The following GIGYF2 variants were observed in gnomAD, a reference collection of about 807,000 sequenced individuals.
GIGYF2 encodes GRB10 interacting GYF protein 2.
A neutral mutation model predicts 208.1 loss-of-function variants in GIGYF2; 25 were observed. The ratio of observed to expected loss-of-function variants is 0.12; its 90% CI spans 0.09 to 0.17. The LOEUF is 0.17. Ranked by LOEUF, GIGYF2 falls within the 10% of genes least tolerant of loss-of-function variation. The pLI is 1.00. For synonymous variants in GIGYF2, 534 were observed against 543.8 expected (o/e 0.98, Z 0.25); for missense variants, 1,302 against 1,579.4 (o/e 0.82, Z 2.98).
intron 8 of GIGYF2, among the ~76,000 whole-genome samples, chr2:232,776,150 CA>C (rs1699503294): frequency 6.6e-6 from 1 of 151,798 alleles, no homozygotes; most frequent in South Asian, 2.1e-4. Flanking sequence ...TTCCTCAAGC[CA>C]CTGAATTTTT....
intron 3 of GIGYF2, 108 bp downstream of exon 3, chr2:232,735,346 G>A (rs750488841): frequency 2.6e-6 from 2 of 780,620 alleles, no homozygotes; most frequent in Non-Finnish European, 4.5e-6. Context: ...TGAAACTTTT[G>A]CTTTATGTGC....
At chr2:232,751,253 C>T (rs1698329023) in intron 5 of GIGYF2, among the ~76,000 whole-genome samples, 1 of 152,188 alleles carries the variant, frequency 6.6e-6, no homozygotes, top group Non-Finnish European at 1.5e-5. Flanking sequence ...CTTGCTCAGT[C>T]ACTCAGGCTG....
intron 8 of GIGYF2, among the ~76,000 whole-genome samples, chr2:232,776,132 CTT>C (rs201750439): frequency 6.6e-6 from 1 of 151,176 alleles, no homozygotes; most frequent in Non-Finnish European, 1.5e-5. Context: ...AAGAAAAAGA[CTT>C]TTTTTTTCCT....
At chr2:232,718,915 T>C (rs1425782544) in intron 2 of GIGYF2, 1 of 152,206 alleles carries the variant, frequency 6.6e-6, no homozygotes, top group African/African-American at 2.4e-5. Flanking sequence ...TACATAGTAC[T>C]GGCTGGACTC....
At chr2:232,709,960 T>A (rs893781971) in intron 2 of GIGYF2, among the ~76,000 whole-genome samples, 10 of 150,966 alleles carry the variant, frequency 6.6e-5, no homozygotes, top group African/African-American at 4.9e-5. Flanking sequence ...AGTTATATAT[T>A]TATTTATTTA....
chr2:232,809,599 G>A lies in GIGYF2; in HGVS notation c.1807-121G>A, dbSNP rs2106383120. ...TTTTTATTCAAGTGTTTGGGTAAAA[G>A]GGTAGAGCTGGGAGGTAAAGGTCTT... On this transcript the variant is annotated intron_variant, in intron 15 of 28. Coordinates refer to ENST00000373563, the MANE Select transcript of GIGYF2 (RefSeq NM_001103146.3). The A allele has an allele frequency of 2.0e-5, 14 of 713,880 alleles. No individual in the cohort carries two copies. In the South Asian group the frequency reaches 2.1e-4, roughly 11 times the overall value. The allele number at this position is 713,880 out of a possible 1,614,324, so 44.2% of individuals were successfully genotyped here.
At chr2:232,836,310 A>ACT (rs1701614310) in intron 22 of GIGYF2, among the ~76,000 whole-genome samples, 1 of 20,644 alleles carries the variant, frequency 4.8e-5, no homozygotes, top group African/African-American at 1.5e-4. Flanking sequence ...ATATATATAT[A>ACT]TATATATATA....
intron 21 of GIGYF2, 146 bp downstream of exon 21, chr2:232,820,131 TTC>T: frequency 5.3e-6 from 4 of 760,694 alleles, no homozygotes; most frequent in Non-Finnish European, 8.8e-6. Context: ...CTCTTATTAC[TTC>T]TGTCTAAATT....
chr2:232,735,468 G>A (rs1160902720), intron 3 of GIGYF2: 3 of 413,860 alleles, frequency 7.2e-6, no homozygotes, highest in Non-Finnish European at 8.4e-6. Flanking sequence ...TAATGATGGC[G>A]GGAGTCCCAC....
At chr2:232,846,022 C>G (rs1701992589) in intron 26 of GIGYF2, 136 bp downstream of exon 26, 1 of 705,916 alleles carries the variant, frequency 1.4e-6, no homozygotes, top group Admixed American at 2.1e-5. Flanking sequence ...GCCATAGGAA[C>G]TTGACTCTTT....
intron 23 of GIGYF2, 118 bp downstream of exon 23, chr2:232,840,089 G>A (rs1701772540): frequency 1.8e-6 from 2 of 1,082,360 alleles, no homozygotes; most frequent in Non-Finnish European, 2.8e-6. Flanking sequence ...GTCTGAATTG[G>A]ACGTTCATTA....
chr2:232,781,321 C>CACACA (rs1054268008), intron 8 of GIGYF2, among the ~76,000 whole-genome samples: 2 of 149,736 alleles, frequency 1.3e-5, no homozygotes, highest in Admixed American at 6.7e-5. Flanking sequence ...CACACACACA[C>CACACA]AACTTATAAA....
chr2:232,730,032 T>G (rs979363526), intron 2 of GIGYF2: 5 of 835,182 alleles, frequency 6.0e-6, no homozygotes, highest in Non-Finnish European at 8.3e-6. Flanking sequence ...GATGTGATTA[T>G]ACCAACGAAG....
chr2:232,816,979 C>CAGGAAGAAGAAAGGAAAAGGCGAG lies in GIGYF2; in HGVS notation c.2329_2352dup (p.Arg777_Glu784dup), dbSNP rs1559453798. ...ACAGGAGGAAATTCTTCGGCGACAG[C>CAGGAAGAAGAAAGGAAAAGGCGAG]AGGAAGAAGAAAGGAAAAGGCGAGA... On this transcript the variant is annotated inframe_insertion, in exon 20 of 29. Transcript: ENST00000373563. 6.2e-7 allele frequency: 1 copy of CAGGAAGAAGAAAGGAAAAGGCGAG among 1,612,814 alleles called. No homozygotes were observed. The highest frequency in any genetic ancestry group is 1.7e-5 in the Admixed American group (1 of 60,014).
chr2:232,795,052 T>C lies in GIGYF2; in HGVS notation c.1479+108T>C. On this transcript the variant is annotated intron_variant, in intron 13 of 28. Transcript: ENST00000373563. Reference sequence around the variant, plus strand: ...ACTTTTGTCACTAGATTTTAAGTACTGGAAAAACTGGATATTTAGTGTTTA... The same window carrying C: ...ACTTTTGTCACTAGATTTTAAGTACCGGAAAAACTGGATATTTAGTGTTTA... 3.7e-6 allele frequency: 3 copies of C among 807,782 alleles called. 1 individual carries two copies. Among genetic ancestry groups the C allele is most frequent in the South Asian group, 2.7e-5 (2 of 72,994 alleles). 50.0% of individuals were successfully genotyped at this position (807,782 alleles called of 1,614,324 possible).
At chr2:232,718,695 A>G (rs556155566) in intron 2 of GIGYF2, among the ~76,000 whole-genome samples, 4 of 152,306 alleles carry the variant, frequency 2.6e-5, no homozygotes, top group Admixed American at 2.6e-4. Flanking sequence ...TAAAGTTATT[A>G]ATCTTGTGTT....
chr2:232,839,899 G>T lies in GIGYF2; in HGVS notation c.2817G>T (p.Gln939His). The change falls in exon 23 of 29, where the codon CAG becomes CAT. Residue 939 changes from glutamine (Q) to histidine (H), a missense_variant. Physicochemically the swap from Gln to His is conservative, Grantham distance 24. Coordinates refer to ENST00000373563, the MANE Select transcript of GIGYF2 (RefSeq NM_001103146.3). The stretch of plus-strand genomic sequence containing the variant: ...AGCAGTCCAATACAACAGCATGTCA[G>T]TCCCAGGCCACGCTGTCGTTGGCTG... ...WGQQSNTTACQSQATLSLAEI... is the reference protein window; with the variant it reads ...WGQQSNTTACHSQATLSLAEI... The T allele has an allele frequency of 1.2e-6, 2 of 1,613,418 alleles. No individual in the cohort carries two copies. Among genetic ancestry groups the T allele is most frequent in the Non-Finnish European group, 1.7e-6 (2 of 1,179,398 alleles).
intron 18 of GIGYF2, among the ~76,000 whole-genome samples, chr2:232,813,586 A>G (rs1700807853): frequency 6.6e-6 from 1 of 152,104 alleles, no homozygotes; most frequent in Non-Finnish European, 1.5e-5. Context: ...AAGAGATTAT[A>G]GTTGGTGTTG....
chr2:232,762,213 G>A (rs1225350412), intron 8 of GIGYF2, among the ~76,000 whole-genome samples: 1 of 148,952 alleles, frequency 6.7e-6, no homozygotes, highest in African/African-American at 2.5e-5. Flanking sequence ...ATAACTGATA[G>A]TGTTAATCAT....
Sources: gnomAD v4.1 joint callset for allele counts (sites outside exome capture counted in the v4.1 genomes callset) on GRCh38, gnomAD v4.1.1 for gene constraint, MANE v1.5 for transcripts, NCBI Gene and HGNC (gene_info 2026-07-23, HGNC 2026-07-21) for gene names.